Variants in SLC15A1 observed in about 807,000 individuals in gnomAD.
The protein encoded by SLC15A1 is Caco-2 oligopeptide transporter.
A neutral mutation model predicts 92.9 loss-of-function variants in SLC15A1; 83 were observed. That is an observed-to-expected ratio of 0.89 (90% CI 0.75 to 1.07). SLC15A1 has a LOEUF of 1.07. SLC15A1 is among the 50% of genes least tolerant of loss of function. The probability of loss-of-function intolerance (pLI) is 0.00; values close to 1 mark genes in which losing one functional copy is unlikely to be tolerated. For synonymous variants in SLC15A1, 322 were observed against 318.2 expected, an observed-to-expected ratio of 1.01 and a Z score of -0.13; for missense variants, 857 against 880.1, an observed-to-expected ratio of 0.97 and a Z score of 0.33.
At chr13:98,690,116 G>C (rs1240179945) in intron 18 of SLC15A1, among the ~76,000 whole-genome samples, 1 of 152,184 alleles carries the variant, frequency 6.6e-6, no homozygotes, top group African/African-American at 2.4e-5. Flanking sequence ...TGAAGGCCTA[G>C]AGCAGATTAT....
chr13:98,744,714 A>C lies in SLC15A1; in HGVS notation c.4+7881T>G, dbSNP rs541428798. Among the ~76,000 whole-genome samples the C allele has an allele frequency of 4.1e-4, 55 of 132,924 alleles. No individual in the cohort carries two copies. The South Asian group carries it at 0.013, about 31-fold the overall frequency. The allele number at this position is 132,924 out of a possible 152,430, so 87.2% of individuals were successfully genotyped here. ...CAGTGAGCCGAGATCGCGCCACTGC[A>C]CTCCAGCCTGGGCGACAGAGCAAGA... is the stretch of plus-strand genomic sequence containing the variant. On this transcript the variant is annotated intron_variant, in intron 1 of 22. Coordinates refer to ENST00000376503, the MANE Select transcript of SLC15A1 (RefSeq NM_005073.4).
At position 98,701,597 on chromosome 13, in the gene SLC15A1, C is replaced by T. The variant is rs558436306; in HGVS notation, c.1466+883G>A. 2.4e-4 allele frequency among the ~76,000 whole-genome samples: 37 copies of T among 151,814 alleles called. 1 individual carries two copies. The South Asian group carries it at 3.8e-3, about 15-fold the overall frequency. ...TCACTGCAGCCTCAACCTCCCCAAG[C>T]TCAGGTGATCCTCCCACCTCAGCCC... On this transcript the variant is annotated intron_variant, in intron 18 of 22. Transcript: ENST00000376503.
intron 18 of SLC15A1, among the ~76,000 whole-genome samples, chr13:98,693,640 G>A (rs1387362364): frequency 6.6e-6 from 1 of 152,118 alleles, no homozygotes; most frequent in Non-Finnish European, 1.5e-5. Context: ...TATATGATTT[G>A]TAAATATTTT....
chr13:98,721,054 A>C, intron 7 of SLC15A1: 1 of 452,534 alleles, frequency 2.2e-6, no homozygotes, highest in Non-Finnish European at 4.5e-6. Flanking sequence ...TCCTTCTAAA[A>C]ACAAAACAAA....
chr13:98,715,416 G>A (rs1369494887), intron 9 of SLC15A1, among the ~76,000 whole-genome samples: 2 of 152,170 alleles, frequency 1.3e-5, no homozygotes, highest in Non-Finnish European at 2.9e-5. Flanking sequence ...CAAGTGATCC[G>A]CCCGCCTAGG....
chr13:98,732,511 C>T (rs1257476735), intron 1 of SLC15A1, among the ~76,000 whole-genome samples: 3 of 152,308 alleles, frequency 2.0e-5, no homozygotes, highest in East Asian at 3.9e-4. Flanking sequence ...CCCTCTTCCG[C>T]ACGACTCAAT....
At chr13:98,708,855 A>C in intron 14 of SLC15A1, 88 bp from the exon 15 acceptor site, 12 of 792,918 alleles carry the variant, frequency 1.5e-5, no homozygotes, top group Non-Finnish European at 2.0e-5. Flanking sequence ...CCCCAACAAA[A>C]CTAAATTCCT....
chr13:98,725,824 A>C (rs1431021392), intron 4 of SLC15A1, among the ~76,000 whole-genome samples: 1 of 152,122 alleles, frequency 6.6e-6, no homozygotes, highest in African/African-American at 2.4e-5. Context: ...TCTGGGGCTC[A>C]AGCGGATCCT....
At chr13:98,717,399 A>G (rs1157945790) in intron 8 of SLC15A1, among the ~76,000 whole-genome samples, 3 of 152,356 alleles carry the variant, frequency 2.0e-5, no homozygotes, top group East Asian at 1.9e-4. Context: ...ATTCAAGCGT[A>G]GGAATTTCTA....
At chr13:98,725,926 T>C (rs2088294799) in intron 4 of SLC15A1, among the ~76,000 whole-genome samples, 197 bp downstream of exon 4, 2 of 152,172 alleles carry the variant, frequency 1.3e-5, no homozygotes, top group African/African-American at 4.8e-5. Flanking sequence ...GGTCTCACTA[T>C]GTTGCCCAGG....
chr13:98,749,928 T>C (rs2088528702), intron 1 of SLC15A1, among the ~76,000 whole-genome samples: 1 of 152,218 alleles, frequency 6.6e-6, no homozygotes, highest in Admixed American at 6.5e-5. Flanking sequence ...TGTGTACGGC[T>C]GCTCTAGAAC....
intron 18 of SLC15A1, among the ~76,000 whole-genome samples, chr13:98,693,155 T>C (rs113538401): frequency 0.012 from 1,531 of 129,000 alleles, 31 homozygotes; most frequent in African/African-American, 0.043. Context: ...TGGAGAGCCA[T>C]GGCACAGTCT....
intron 16 of SLC15A1, among the ~76,000 whole-genome samples, chr13:98,705,057 G>C (rs1323342288): frequency 6.6e-6 from 1 of 152,010 alleles, no homozygotes; most frequent in African/African-American, 2.4e-5. Flanking sequence ...AAATTAGTTG[G>C]GTGTGGTGGT....
rs181814924 is a variant in SLC15A1, at chr13:98,723,646, C to T, written c.365+266G>A. On this transcript the variant is annotated intron_variant, in intron 5 of 22. Coordinates refer to ENST00000376503, the MANE Select transcript of SLC15A1 (RefSeq NM_005073.4). ...GGGTAGGTCAAGACCAACATGAATCCCCTGCGCACTGACTGTACTTCACAT... is the reference window on the plus strand; with the variant it reads ...GGGTAGGTCAAGACCAACATGAATCTCCTGCGCACTGACTGTACTTCACAT... Among the ~76,000 whole-genome samples the T allele has an allele frequency of 1.5e-4, 23 of 152,214 alleles. No homozygotes were observed. In the South Asian group the frequency reaches 1.7e-3, roughly 11 times the overall value.
At chr13:98,726,488 C>A (rs375352491) in intron 2 of SLC15A1, 39 bp from the exon 3 acceptor site, 19 of 1,570,958 alleles carry the variant, frequency 1.2e-5, no homozygotes, top group Non-Finnish European at 1.6e-5. Context: ...GAAATACACC[C>A]CCCACTGGTC....
chr13:98,706,740 A>T (rs1197674949), intron 15 of SLC15A1, among the ~76,000 whole-genome samples: 2 of 152,156 alleles, frequency 1.3e-5, no homozygotes, highest in Non-Finnish European at 2.9e-5. Flanking sequence ...GAGTCCATTA[A>T]ATCTCTTTTT....
In SLC15A1 at chr13:98,709,753, C is replaced by T. The variant is rs201230121; in HGVS notation, c.967G>A (p.Asp323Asn). Residue 323 changes from aspartate (D) to asparagine (N), a missense_variant, in exon 13 of 23, where the codon GAT becomes AAT. Transcript: ENST00000376503. ...GKIGALEIQP[D>N]QMQTVNAILI... The stretch of plus-strand genomic sequence containing the variant: ...TACATGTCTTCTACCTGCATCTGAT[C>T]GGGCTGAATTTCAAGAGCTCCCTAA... 16 of 1,614,098 alleles carry T rather than the reference C, an allele frequency of 9.9e-6. No homozygotes were observed. Among genetic ancestry groups the T allele is most frequent in the East Asian group, 4.5e-5 (2 of 44,870 alleles).
intron 7 of SLC15A1, 70 bp downstream of exon 7, chr13:98,721,420 GAACAA>G (rs1566452806): frequency 5.8e-6 from 6 of 1,027,974 alleles, no homozygotes; most frequent in Admixed American, 1.9e-5. Context: ...GGGAAGAACA[GAACAA>G]AACGAAGAAG....
At chr13:98,747,879 CA>C (rs1350193739) in intron 1 of SLC15A1, among the ~76,000 whole-genome samples, 2 of 151,982 alleles carry the variant, frequency 1.3e-5, no homozygotes, top group Non-Finnish European at 2.9e-5. Flanking sequence ...GACTGCATCT[CA>C]AAAAACAAAT....
Sources: allele counts gnomAD v4.1 joint callset (sites outside exome capture counted in the v4.1 genomes callset), GRCh38; gene constraint gnomAD v4.1.1; transcripts MANE v1.5; gene names NCBI Gene and HGNC (gene_info 2026-07-23, HGNC 2026-07-21).